MTMR10: variants seen among roughly 807,000 people sequenced by gnomAD.
The protein encoded by MTMR10 is myotubularin related protein 10, also known as myotubularin-related protein 10.
MTMR10 carries 56 observed loss-of-function variants against 88.1 expected under a neutral mutation model. The observed-to-expected ratio is 0.64, with a 90% CI of 0.51 to 0.79. The LOEUF is 0.79. Among genes scored for constraint, MTMR10 ranks in the 30% least tolerant of loss-of-function variants. The pLI is 0.00. For synonymous variants in MTMR10, 380 were observed against 340.9 expected, an observed-to-expected ratio of 1.11 and a Z score of -1.26; for missense variants, 883 against 924.7, an observed-to-expected ratio of 0.95 and a Z score of 0.58.
At chr15:30,990,606 T>C (rs1279683373) in intron 2 of MTMR10, among the ~76,000 whole-genome samples, 171 bp downstream of exon 2, 4 of 152,164 alleles carry the variant, frequency 2.6e-5, no homozygotes, top group Non-Finnish European at 5.9e-5. Flanking sequence ...AAAAAGGAAA[T>C]GAGGTAATGA....
chr15:30,937,807 C>T (rs550745393), downstream of MTMR10, among the ~76,000 whole-genome samples: 1 of 151,998 alleles, frequency 6.6e-6, no homozygotes, highest in South Asian at 2.1e-4. Context: ...ATTATTGGAG[C>T]TGGATGCATC....
chr15:30,989,510 T>C (rs1490060256), intron 2 of MTMR10, among the ~76,000 whole-genome samples: 2 of 152,162 alleles, frequency 1.3e-5, no homozygotes, highest in Non-Finnish European at 2.9e-5. Context: ...CTAATTATTT[T>C]ACCGATTTGG....
intron 6 of MTMR10, 71 bp from the exon 7 acceptor site, chr15:30,961,144 C>T (rs1251023665): frequency 6.7e-7 from 1 of 1,487,988 alleles, no homozygotes; most frequent in Non-Finnish European, 8.9e-7. Context: ...CTCTGAGCCT[C>T]CTGTCACATG....
intron 1 of MTMR10, chr15:30,991,243 G>A (rs535094234): frequency 2.3e-5 from 12 of 515,314 alleles, no homozygotes; most frequent in South Asian, 2.0e-4. Flanking sequence ...GAGAATGGCT[G>A]CAGAAGAGTT....
rs987208080 is a variant in MTMR10 at position 30,939,485 on chromosome 15, C to T, written c.*1985G>A. ...TGTCATAGTTGTTTTTCATATTATG[C>T]ACAATAAACTGTAGCACAATAATCA... On this transcript the variant is annotated 3_prime_UTR_variant, in exon 16 of 16. Coordinates refer to ENST00000435680, the MANE Select transcript of MTMR10 (RefSeq NM_017762.3). 2 of 984,984 alleles carry T rather than the reference C, an allele frequency of 2.0e-6. No individual in the cohort carries two copies. The highest frequency in any genetic ancestry group is 2.4e-6 in the Non-Finnish European group (2 of 829,540). The allele number at this position is 984,984 out of a possible 1,614,324, so 61.0% of individuals were successfully genotyped here. A position where few individuals can be genotyped will look rare whatever the true frequency, so the allele number is the denominator to read the frequency against.
At chr15:30,937,446 ACT>A (rs1491269901), downstream of MTMR10, among the ~76,000 whole-genome samples, 1 of 135,434 alleles carries the variant, frequency 7.4e-6, no homozygotes, top group African/African-American at 2.7e-5. Context: ...TGGGTAATAA[ACT>A]TTTTTTTTTT....
At chr15:30,938,936 CAACA>C (rs961737983), downstream of MTMR10, 8 of 985,254 alleles carry the variant, frequency 8.1e-6, no homozygotes, top group African/African-American at 8.7e-5. Flanking sequence ...ATACTGACAA[CAACA>C]AACAGTCGCT....
At chr15:30,987,058 G>T (rs1216631832) in intron 2 of MTMR10, among the ~76,000 whole-genome samples, 5 of 152,178 alleles carry the variant, frequency 3.3e-5, no homozygotes, top group South Asian at 2.1e-4. Flanking sequence ...ATCACTGAAA[G>T]AATGAAATTC....
chr15:30,920,566 C>T, the MTMR10 span: 20 of 1,611,774 alleles, frequency 1.2e-5, no homozygotes, highest in Non-Finnish European at 1.7e-5. Context: ...ATTTACCACT[C>T]TTCCTGCGGT....
chr15:30,969,253 T>G (rs2063508622), intron 5 of MTMR10, among the ~76,000 whole-genome samples: 1 of 151,842 alleles, frequency 6.6e-6, no homozygotes, highest in Admixed American at 6.6e-5. Context: ...GTCATTAGTT[T>G]TGACCAAAAA....
the MTMR10 span, among the ~76,000 whole-genome samples, chr15:30,924,155 C>T: frequency 6.6e-4 from 101 of 152,322 alleles, no homozygotes; most frequent in African/African-American, 2.3e-3. Context: ...GAGCTTCACC[C>T]GCATCGTGGC....
chr15:30,923,613 C>T, the MTMR10 span, among the ~76,000 whole-genome samples: 3 of 152,182 alleles, frequency 2.0e-5, no homozygotes, highest in Admixed American at 2.0e-4. Flanking sequence ...GCTCTGCAGC[C>T]AGCCCCGGCC....
chr15:30,925,824 G>A, the MTMR10 span: 2 of 1,614,204 alleles, frequency 1.2e-6, no homozygotes, highest in Non-Finnish European at 1.7e-6. Flanking sequence ...CACAGCGTGG[G>A]ATGTGCAAGT....
the MTMR10 span, chr15:30,928,673 G>T: frequency 1.9e-6 from 3 of 1,613,514 alleles, no homozygotes; most frequent in East Asian, 4.5e-5. Flanking sequence ...CAGTGCCCCT[G>T]CCCCACGAGT....
chr15:30,990,463 C>G (rs576826871), intron 2 of MTMR10, among the ~76,000 whole-genome samples: 2 of 152,288 alleles, frequency 1.3e-5, no homozygotes, highest in East Asian at 1.9e-4. Flanking sequence ...ATAAAGGCGT[C>G]TTTTTATACT....
At chr15:30,981,297 C>T (rs976126982) in intron 2 of MTMR10, among the ~76,000 whole-genome samples, 7 of 152,224 alleles carry the variant, frequency 4.6e-5, no homozygotes, top group Non-Finnish European at 8.8e-5. Context: ...TTGTTTCTAA[C>T]AAACAGTACA....
chr15:30,930,929 C>G, the MTMR10 span, among the ~76,000 whole-genome samples: 2 of 152,144 alleles, frequency 1.3e-5, no homozygotes, highest in African/African-American at 4.8e-5. Context: ...TCCATCACTC[C>G]TGCTGTATTC....
At chr15:30,930,014 AATAT>A in the MTMR10 span, among the ~76,000 whole-genome samples, 2 of 137,110 alleles carry the variant, frequency 1.5e-5, no homozygotes, top group East Asian at 4.0e-4. Flanking sequence ...TAATGTATAA[AATAT>A]ATAATAATAT....
chr15:30,939,161 T>TGTTA lies in MTMR10; in HGVS notation c.*2305_*2308dup. On this transcript the variant is annotated 3_prime_UTR_variant, in exon 16 of 16. Transcript: ENST00000435680. ...ACAAATGTGAACAGCTTTCACCCTC[T>TGTTA]GTTAGTACAAATTAATATCCTTTCC... 1.0e-6 allele frequency: 1 copy of TGTTA among 985,406 alleles called. No individual in the cohort carries two copies. 61.0% of individuals were successfully genotyped at this position (985,406 alleles called of 1,614,324 possible).
Sources: allele counts gnomAD v4.1 joint callset (sites outside exome capture counted in the v4.1 genomes callset), GRCh38; gene constraint gnomAD v4.1.1; transcripts MANE v1.5; gene names NCBI Gene and HGNC (gene_info 2026-07-23, HGNC 2026-07-21).